The following GUCY1A2 variants were observed in gnomAD, a reference collection of about 807,000 sequenced individuals.
GUCY1A2 encodes the protein guanylate cyclase soluble subunit alpha-2.
GUCY1A2 carries 27 observed loss-of-function variants against 63.5 expected under a neutral mutation model. The observed-to-expected ratio is 0.43, with a 90% CI of 0.31 to 0.59. The LOEUF (loss-of-function observed/expected upper bound fraction) is 0.59. Among genes scored for constraint, GUCY1A2 ranks in the 20% least tolerant of loss-of-function variants. The pLI is 0.11. For missense variants in GUCY1A2, 768 were observed against 913.3 expected, an observed-to-expected ratio of 0.84 and a Z score of 2.05; for synonymous variants, 364 against 343.5, an observed-to-expected ratio of 1.06 and a Z score of -0.66.
Position 106,961,636 on chromosome 11 carries a change from T to G in GUCY1A2, c.487+16983A>C, listed in dbSNP as rs141970329. ...AGATGCCACATTCCTTTCAAAATGC[T>G]TCTTAAGTGTGCTTCAAAAAAGAGT... On this transcript the variant is annotated intron_variant, in intron 3 of 7. Transcript: ENST00000526355. Among the ~76,000 whole-genome samples the G allele has an allele frequency of 4.7e-3, 723 of 152,302 alleles. 6 individuals are homozygous for G. The highest frequency in any genetic ancestry group is 8.4e-3 in the Non-Finnish European group (571 of 68,008).
intron 7 of GUCY1A2, among the ~76,000 whole-genome samples, chr11:106,690,873 G>A (rs544895450): frequency 2.6e-5 from 4 of 152,228 alleles, no homozygotes; most frequent in South Asian, 4.1e-4. Context: ...ACAAGACTAC[G>A]TAAGATAGCT....
At position 106,755,881 on chromosome 11, in the gene GUCY1A2, A is replaced by G. The variant is rs927338612; in HGVS notation, c.1836+20558T>C. Among the ~76,000 whole-genome samples, 34 of 152,188 alleles carry G rather than the reference A, an allele frequency of 2.2e-4. 1 individual carries two copies. The highest frequency in any genetic ancestry group is 1.3e-4 in the Non-Finnish European group (9 of 68,038). ...ATTAGGTCCACTCGGTCCACAGCAG[A>G]GTTCAAGTCCTGGATATCCTTGTTA... is the stretch of plus-strand genomic sequence containing the variant. On this transcript the variant is annotated intron_variant, in intron 6 of 7. Coordinates refer to ENST00000526355, the MANE Select transcript of GUCY1A2 (RefSeq NM_000855.3).
chr11:106,764,259 A>T (rs1864119251), intron 6 of GUCY1A2, among the ~76,000 whole-genome samples: 1 of 152,120 alleles, frequency 6.6e-6, no homozygotes, highest in African/African-American at 2.4e-5. Context: ...TTCTTAAGGA[A>T]CAGGGAATAG....
chr11:106,878,923 A>C (rs1859788207), intron 4 of GUCY1A2, among the ~76,000 whole-genome samples: 3 of 152,056 alleles, frequency 2.0e-5, no homozygotes, highest in Admixed American at 2.0e-4. Context: ...CTACAGAACA[A>C]TAAGATAATT....
At chr11:106,711,740 T>A (rs895613684) in intron 6 of GUCY1A2, among the ~76,000 whole-genome samples, 4 of 152,152 alleles carry the variant, frequency 2.6e-5, no homozygotes, top group Admixed American at 6.5e-5. Flanking sequence ...TGATAATAAA[T>A]TCCCGCTGCT....
intron 4 of GUCY1A2, among the ~76,000 whole-genome samples, chr11:106,849,242 G>A (rs934983178): frequency 6.6e-6 from 1 of 151,400 alleles, no homozygotes; most frequent in Non-Finnish European, 1.5e-5. Flanking sequence ...CATATATGTA[G>A]TGAACTGTGT....
intron 6 of GUCY1A2, among the ~76,000 whole-genome samples, chr11:106,731,563 A>AT (rs926149558): frequency 2.6e-5 from 4 of 151,886 alleles, no homozygotes; most frequent in African/African-American, 9.7e-5. Flanking sequence ...AAGAAAAAAA[A>AT]GGCATCCAAA....
At chr11:106,808,465 T>A (rs1858721508) in intron 5 of GUCY1A2, among the ~76,000 whole-genome samples, 1 of 152,158 alleles carries the variant, frequency 6.6e-6, no homozygotes, top group Admixed American at 6.6e-5. Flanking sequence ...TCAAATCATA[T>A]TTTAAAACCT....
intron 4 of GUCY1A2, among the ~76,000 whole-genome samples, chr11:106,844,657 A>C (rs1382150599): frequency 1.3e-5 from 2 of 151,830 alleles, no homozygotes; most frequent in Non-Finnish European, 2.9e-5. Context: ...TCAAAGCAGA[A>C]ACATAAAAAC....
chr11:106,768,399 A>T (rs1864199868), intron 6 of GUCY1A2, among the ~76,000 whole-genome samples: 2 of 152,214 alleles, frequency 1.3e-5, no homozygotes, highest in Admixed American at 1.3e-4. Context: ...GACATCTAAC[A>T]TACATTTAAA....
chr11:106,993,943 A>G (rs1163333847), intron 1 of GUCY1A2, among the ~76,000 whole-genome samples: 3 of 152,218 alleles, frequency 2.0e-5, no homozygotes, highest in Non-Finnish European at 4.4e-5. Context: ...ACAAAATGCA[A>G]AAATCCTAGG....
chr11:106,907,654 T>C (rs529471457), intron 4 of GUCY1A2, among the ~76,000 whole-genome samples: 12 of 151,926 alleles, frequency 7.9e-5, no homozygotes, highest in Non-Finnish European at 1.5e-4. Context: ...GAACATGCGG[T>C]GTTTGGTTTT....
Position 106,802,173 on chromosome 11 carries a change from A to G in GUCY1A2, c.1692+7820T>C, listed in dbSNP as rs11211916. Among the ~76,000 whole-genome samples, 5 of 152,332 alleles carry G rather than the reference A, an allele frequency of 3.3e-5. No homozygotes were observed. The East Asian group carries it at 9.6e-4, about 29-fold the overall frequency. On this transcript the variant is annotated intron_variant, in intron 5 of 7. Transcript: ENST00000526355. ...GAGATTTGCAGATTGCATTAAGGCT[A>G]TCCTATCAGGTGAGTGAGAGATAGC...
intron 4 of GUCY1A2, among the ~76,000 whole-genome samples, chr11:106,820,066 G>GTTTGTTTTCCTTGCTTA (rs915895867): frequency 1.3e-5 from 2 of 152,088 alleles, no homozygotes; most frequent in African/African-American, 2.4e-5. Context: ...TGTAGAAGAA[G>GTTTGTTTTCCTTGCTTA]TTTGTTTTCC....
At chr11:106,984,176 G>A (rs1239773869) in intron 2 of GUCY1A2, among the ~76,000 whole-genome samples, 1 of 152,150 alleles carries the variant, frequency 6.6e-6, no homozygotes, top group East Asian at 1.9e-4. Context: ...TGCAAATAAA[G>A]TCAGTGAGCA....
At chr11:106,740,198 C>T (rs1043894967) in intron 6 of GUCY1A2, among the ~76,000 whole-genome samples, 24 of 151,832 alleles carry the variant, frequency 1.6e-4, no homozygotes, top group Admixed American at 2.6e-4. Flanking sequence ...CGGAGTTTTA[C>T]CATGTTGGTC....
intron 6 of GUCY1A2, 108 bp from the exon 7 acceptor site, chr11:106,708,774 A>G (rs1239467520): frequency 1.5e-6 from 1 of 659,582 alleles, no homozygotes; most frequent in Non-Finnish European, 2.3e-6. Context: ...AAAAAAAACT[A>G]TGAGCTCCTC....
intron 4 of GUCY1A2, among the ~76,000 whole-genome samples, chr11:106,903,759 T>C (rs2119835784): frequency 6.6e-6 from 1 of 152,320 alleles, no homozygotes; most frequent in East Asian, 1.9e-4. Flanking sequence ...ACCTCTCTTG[T>C]AATTTACCAT....
intron 4 of GUCY1A2, among the ~76,000 whole-genome samples, chr11:106,886,906 C>T (rs537198690): frequency 2.0e-5 from 3 of 152,160 alleles, no homozygotes; most frequent in Admixed American, 6.5e-5. Flanking sequence ...TTGCTAAGGG[C>T]GCACTTTTAT....
Sources: gnomAD v4.1 joint callset for allele counts (sites outside exome capture counted in the v4.1 genomes callset) on GRCh38, gnomAD v4.1.1 for gene constraint, MANE v1.5 for transcripts, NCBI Gene and HGNC (gene_info 2026-07-23, HGNC 2026-07-21) for gene names.